HSPBAP1: variants seen among roughly 807,000 people sequenced by gnomAD.
HSPBAP1 encodes the protein HSPB1-associated protein 1.
A neutral mutation model predicts 45.2 loss-of-function variants in HSPBAP1; 27 were observed. The ratio of observed to expected loss-of-function variants is 0.60; its 90% CI spans 0.44 to 0.82. The LOEUF is 0.82. Among genes scored for constraint, HSPBAP1 ranks in the 40% least tolerant of loss-of-function variants. The probability of loss-of-function intolerance (pLI) is 0.00; values close to 1 mark genes in which losing one functional copy is unlikely to be tolerated. For synonymous variants in HSPBAP1, 204 were observed against 202.7 expected (o/e 1.01, Z -0.06); for missense variants, 510 against 590.9 (o/e 0.86, Z 1.42).
intron 2 of HSPBAP1, among the ~76,000 whole-genome samples, chr3:122,769,384 G>A (rs56981436): frequency 0.042 from 6,389 of 152,168 alleles, 446 homozygotes; most frequent in African/African-American, 0.14. Flanking sequence ...CTAGAGATGA[G>A]GGTTGATCAG....
intron 2 of HSPBAP1, among the ~76,000 whole-genome samples, chr3:122,773,268 C>T (rs1023030446): frequency 1.5e-4 from 22 of 149,768 alleles, no homozygotes; most frequent in African/African-American, 4.2e-4. Context: ...TAAACATGAA[C>T]GTATGTTCAA....
At chr3:122,779,186 C>T (rs1313861755) in intron 1 of HSPBAP1, among the ~76,000 whole-genome samples, 1 of 151,956 alleles carries the variant, frequency 6.6e-6, no homozygotes, top group South Asian at 2.1e-4. Flanking sequence ...GGATTACAGG[C>T]ACCCGCCACC....
chr3:122,789,265 G>C (rs938135947), intron 1 of HSPBAP1, among the ~76,000 whole-genome samples: 7 of 152,260 alleles, frequency 4.6e-5, no homozygotes, highest in Admixed American at 3.3e-4. Context: ...GAAAGCACTG[G>C]AAGAAGAGTT....
chr3:122,780,363 C>A (rs1439496495), intron 1 of HSPBAP1, among the ~76,000 whole-genome samples: 2 of 114,408 alleles, frequency 1.7e-5, no homozygotes, highest in African/African-American at 6.6e-5. Context: ...CCGGACGGGG[C>A]GGCTGACCGG....
rs1486577584 is a variant in HSPBAP1 at position 122,793,814 on chromosome 3, G to A, written c.-134C>T. On this transcript the variant is annotated 5_prime_UTR_variant, in exon 1 of 8. Coordinates refer to ENST00000306103, the MANE Select transcript of HSPBAP1 (RefSeq NM_024610.6). ...CCGGCGACTCCCGCCCGGCTCCTAC[G>A]GAAACGCCGGCTCTCACGTGGAGGT... The A allele has an allele frequency of 1.5e-5, 11 of 716,176 alleles. No individual in the cohort carries two copies. Among genetic ancestry groups the A allele is most frequent in the Non-Finnish European group, 2.6e-5 (11 of 429,970 alleles). The allele number at this position is 716,176 out of a possible 1,614,324, so 44.4% of individuals were successfully genotyped here. A position where few individuals can be genotyped will look rare whatever the true frequency, so the allele number is the denominator to read the frequency against.
intron 1 of HSPBAP1, among the ~76,000 whole-genome samples, chr3:122,780,190 C>CA (rs1393116716): frequency 2.8e-5 from 2 of 72,182 alleles, no homozygotes; most frequent in African/African-American, 1.1e-4. Flanking sequence ...GGGGGGCTGA[C>CA]CCCCCCACCT....
chr3:122,752,840 T>C, intron 5 of HSPBAP1, 166 bp from the exon 6 acceptor site: 1 of 1,376,630 alleles, frequency 7.3e-7, no homozygotes, highest in East Asian at 2.7e-5. Flanking sequence ...AAACCTTTTT[T>C]CCTTTTATTC....
chr3:122,791,362 T>G (rs910073512), intron 1 of HSPBAP1, among the ~76,000 whole-genome samples: 2 of 152,248 alleles, frequency 1.3e-5, no homozygotes, highest in African/African-American at 4.8e-5. Flanking sequence ...CTTCTTTCAG[T>G]TCTTGGACCA....
intron 2 of HSPBAP1, among the ~76,000 whole-genome samples, chr3:122,775,269 A>T (rs573752755): frequency 7.9e-5 from 12 of 152,314 alleles, no homozygotes; most frequent in African/African-American, 2.9e-4. Context: ...AGTATCCAGA[A>T]TATATAAAGA....
At chr3:122,770,475 G>A (rs1934953748) in intron 2 of HSPBAP1, among the ~76,000 whole-genome samples, 2 of 152,128 alleles carry the variant, frequency 1.3e-5, no homozygotes, top group South Asian at 4.1e-4. Context: ...GAGGTGGGAG[G>A]ACTACTTGAG....
At chr3:122,753,024 T>C in intron 5 of HSPBAP1, 1 of 999,946 alleles carries the variant, frequency 1.0e-6, no homozygotes, top group Non-Finnish European at 1.2e-6. Flanking sequence ...AGGGCATAGG[T>C]AAAACACATA....
intron 1 of HSPBAP1, among the ~76,000 whole-genome samples, chr3:122,780,505 G>GT (rs1230533025): frequency 7.6e-6 from 1 of 131,988 alleles, no homozygotes; most frequent in Non-Finnish European, 1.6e-5. Flanking sequence ...GCCGGGCGGG[G>GT]GCTGACCCCC....
chr3:122,773,749 A>G (rs1291036349), intron 2 of HSPBAP1, among the ~76,000 whole-genome samples: 1 of 152,144 alleles, frequency 6.6e-6, no homozygotes, highest in African/African-American at 2.4e-5. Flanking sequence ...GTGATCTCCC[A>G]TCTCAACCTC....
chr3:122,786,957 T>G (rs564064197), intron 1 of HSPBAP1, among the ~76,000 whole-genome samples: 1 of 152,370 alleles, frequency 6.6e-6, no homozygotes, highest in South Asian at 2.1e-4. Flanking sequence ...TGCTACCCTG[T>G]ATTAGTTAAA....
chr3:122,755,196 G>A (rs1934302648), intron 5 of HSPBAP1, 64 bp downstream of exon 5: 1 of 1,353,464 alleles, frequency 7.4e-7, no homozygotes, highest in Non-Finnish European at 9.8e-7. Context: ...ACAGCATAAG[G>A]ACTTGAGAGA....
chr3:122,750,702 T>C (rs1290097572), intron 6 of HSPBAP1, among the ~76,000 whole-genome samples: 2 of 152,128 alleles, frequency 1.3e-5, no homozygotes, highest in Non-Finnish European at 2.9e-5. Flanking sequence ...GGAGAAATGA[T>C]TGACTTCCAA....
intron 1 of HSPBAP1, among the ~76,000 whole-genome samples, chr3:122,779,523 T>TATTTATTTATTTATTTA (rs1553756437): frequency 7.4e-6 from 1 of 135,598 alleles, no homozygotes; most frequent in South Asian, 2.4e-4. Flanking sequence ...TTTATTTATT[T>TATTTATTTATTTATTTA]TTTATTGATC....
At chr3:122,790,986 A>T (rs765756357) in intron 1 of HSPBAP1, among the ~76,000 whole-genome samples, 60 of 152,186 alleles carry the variant, frequency 3.9e-4, no homozygotes, top group Non-Finnish European at 6.8e-4. Context: ...CAGTTTCAAC[A>T]TCAGTTACTA....
At chr3:122,772,403 T>C (rs1935033444) in intron 2 of HSPBAP1, among the ~76,000 whole-genome samples, 1 of 152,170 alleles carries the variant, frequency 6.6e-6, no homozygotes, top group African/African-American at 2.4e-5. Context: ...ATACCAGAAC[T>C]AAAATCATGT....
Sources: allele counts gnomAD v4.1 joint callset (sites outside exome capture counted in the v4.1 genomes callset), GRCh38; gene constraint gnomAD v4.1.1; transcripts MANE v1.5; gene names NCBI Gene and HGNC (gene_info 2026-07-23, HGNC 2026-07-21).